The following MYOM2 variants were observed in gnomAD, a reference collection of about 807,000 sequenced individuals.
MYOM2 encodes the protein myomesin-2.
A neutral mutation model predicts 187.6 loss-of-function variants in MYOM2; 254 were observed. That is an observed-to-expected ratio of 1.35 (90% CI 1.22 to 1.50). The LOEUF (loss-of-function observed/expected upper bound fraction) is 1.50. Among genes scored for constraint, MYOM2 ranks in the 40% most tolerant of loss-of-function variants. The pLI, the probability that MYOM2 is intolerant of heterozygous loss-of-function variation, is 0.00. For synonymous variants in MYOM2, 981 were observed against 753.8 expected, an observed-to-expected ratio of 1.30 and a Z score of -4.94; for missense variants, 2,796 against 1,924.0, an observed-to-expected ratio of 1.45 and a Z score of -8.48.
chr8:2,072,866 C>T (rs906705374), intron 9 of MYOM2, among the ~76,000 whole-genome samples: 2 of 152,170 alleles, frequency 1.3e-5, no homozygotes, highest in East Asian at 1.9e-4. Context: ...CTACCTTAGT[C>T]GTATTGAGAT....
At chr8:2,143,276 T>G in intron 35 of MYOM2, 125 bp from the exon 36 acceptor site, 2 of 1,083,074 alleles carry the variant, frequency 1.8e-6, no homozygotes, top group Non-Finnish European at 2.8e-6. Flanking sequence ...TCTTTGATGC[T>G]CGCTCTCTCC....
chr8:2,055,484 C>T (rs909088425), intron 3 of MYOM2, among the ~76,000 whole-genome samples: 1 of 152,138 alleles, frequency 6.6e-6, no homozygotes, highest in African/African-American at 2.4e-5. Context: ...GTTCCCTAAA[C>T]ATTGTAGGGA....
At chr8:2,144,593 A>C (rs1431097669) in intron 36 of MYOM2, 71 bp from the exon 37 acceptor site, 2 of 1,483,720 alleles carry the variant, frequency 1.3e-6, no homozygotes, top group African/African-American at 2.8e-5. Context: ...CCTGGAGCCC[A>C]CCGTCCGAGG....
intron 32 of MYOM2, among the ~76,000 whole-genome samples, chr8:2,134,323 G>A (rs560669290): frequency 6.6e-6 from 1 of 152,026 alleles, no homozygotes; most frequent in Non-Finnish European, 1.5e-5. Flanking sequence ...CCTCTGTCTG[G>A]GTTTATCTGG....
At chr8:2,077,440 G>A (rs1178668920) in intron 11 of MYOM2, among the ~76,000 whole-genome samples, 1 of 152,282 alleles carries the variant, frequency 6.6e-6, no homozygotes, top group East Asian at 1.9e-4. Context: ...AGGAAAAAAT[G>A]AGGGAATTGG....
chr8:2,083,435 T>C (rs80127129), intron 13 of MYOM2, among the ~76,000 whole-genome samples: 14 of 81,870 alleles, frequency 1.7e-4, no homozygotes, highest in Non-Finnish European at 2.8e-4. Flanking sequence ...CAGTATCTCA[T>C]GTGTGCTTAG....
chr8:2,097,276 T>C (rs1796527329), intron 18 of MYOM2: 1 of 202,868 alleles, frequency 4.9e-6, no homozygotes, highest in African/African-American at 2.4e-5. Context: ...TGCTGTGACA[T>C]TATTGATATT....
rs77314471 is a variant in MYOM2 at position 2,089,922 on chromosome 8, G to A, written c.1645-86G>A. On this transcript the variant is annotated intron_variant, in intron 14 of 36. Transcript: ENST00000262113. ...GCGCGCCTGGTGGTCCTGGGATAGC[G>A]AGAACAGAGCATTTCTTCCTCCTCC... 5,780 of 1,340,546 alleles carry A rather than the reference G, an allele frequency of 4.3e-3. 216 individuals are homozygous for A. In the African/African-American group the frequency reaches 0.078, roughly 18 times the overall value. 83.0% of individuals were successfully genotyped at this position (1,340,546 alleles called of 1,614,324 possible). A position where few individuals can be genotyped will look rare whatever the true frequency, so the allele number is the denominator to read the frequency against.
chr8:2,048,432 G>C (rs933695968), intron 1 of MYOM2, among the ~76,000 whole-genome samples: 1 of 152,266 alleles, frequency 6.6e-6, no homozygotes, highest in African/African-American at 2.4e-5. Flanking sequence ...ATCCCAGTGA[G>C]CTGCATCTGG....
At chr8:2,065,931 G>A (rs560265040) in intron 6 of MYOM2, among the ~76,000 whole-genome samples, 1 of 152,320 alleles carries the variant, frequency 6.6e-6, no homozygotes, top group African/African-American at 2.4e-5. Flanking sequence ...GCACACGGGG[G>A]AGATTCCAGT....
chr8:2,101,319 C>T (rs1329276399), intron 20 of MYOM2, among the ~76,000 whole-genome samples: 6 of 152,242 alleles, frequency 3.9e-5, no homozygotes, highest in African/African-American at 1.4e-4. Flanking sequence ...AGTCACCGCA[C>T]TCCAGCCTGG....
At chr8:2,142,625 C>G (rs1269892613) in intron 35 of MYOM2, among the ~76,000 whole-genome samples, 1 of 151,946 alleles carries the variant, frequency 6.6e-6, no homozygotes, top group Non-Finnish European at 1.5e-5. Context: ...CACCCTCCCT[C>G]CCTCCTCCCT....
At chr8:2,132,468 C>G (rs1489714357) in intron 32 of MYOM2, among the ~76,000 whole-genome samples, 3 of 152,160 alleles carry the variant, frequency 2.0e-5, no homozygotes, top group Admixed American at 6.5e-5. Flanking sequence ...TGTTCTCTTA[C>G]TGAAAGGTGA....
At chr8:2,125,211 C>T (rs894277378) in intron 31 of MYOM2, among the ~76,000 whole-genome samples, 3 of 152,320 alleles carry the variant, frequency 2.0e-5, no homozygotes, top group East Asian at 3.9e-4. Context: ...CCAGCGGCTT[C>T]GCAGTTTCAG....
intron 28 of MYOM2, 68 bp downstream of exon 28, chr8:2,118,020 G>A (rs1797306184): frequency 7.2e-7 from 1 of 1,394,080 alleles, no homozygotes. Context: ...AGGCCTTTCA[G>A]GGAGTAGCTG....
chr8:2,103,089 A>G (rs1796766860), intron 21 of MYOM2, among the ~76,000 whole-genome samples: 2 of 145,864 alleles, frequency 1.4e-5, no homozygotes, highest in East Asian at 2.1e-4. Flanking sequence ...GGATGGGTGT[A>G]TGGATAAATG....
In MYOM2 at chr8:2,096,248, C is replaced by A; in HGVS notation, c.2127C>A (p.Thr709=). Residue 709 remains threonine (T), a splice_region_variant and synonymous_variant, in exon 18 of 37, where the codon ACC becomes ACA. Coordinates refer to ENST00000262113, the MANE Select transcript of MYOM2 (RefSeq NM_003970.4). ...SDVIKVQAAL[T]VPSHPYGITL... ...CTCCCTGGTTGTGCTTCCTTGCAGC[C>A]GTCCCGTCCCATCCTTATGGGATTA... 6.2e-7 allele frequency: 1 copy of A among 1,610,752 alleles called. No individual in the cohort carries two copies. Among genetic ancestry groups the A allele is most frequent in the Non-Finnish European group, 8.5e-7 (1 of 1,178,118 alleles).
Position 2,117,919 on chromosome 8 carries a change from C to A in MYOM2, c.3420C>A (p.Val1140=), listed in dbSNP as rs1563067482. The A allele has an allele frequency of 6.8e-6, 11 of 1,613,230 alleles. No homozygotes were observed. Among genetic ancestry groups the A allele is most frequent in the Non-Finnish European group, 8.5e-6 (10 of 1,179,624 alleles). Residue 1140 remains valine (V), a synonymous_variant, in exon 28 of 37, where the codon GTC becomes GTA. Transcript: ENST00000262113. ...TTGCTGAGTACTTGCACTGGGATGT[C>A]ACGGAAGAATGTGAAGTTCGACTTG... is the stretch of plus-strand genomic sequence containing the variant. ...PHFAEYLHWD[V]TEECEVRLVC... is the part of the protein sequence containing the mutation.
chr8:2,120,689 A>ATATTATATATATATAATATATATATATAT, intron 28 of MYOM2, among the ~76,000 whole-genome samples: 1 of 42,416 alleles, frequency 2.4e-5, no homozygotes, highest in Non-Finnish European at 4.7e-5. Flanking sequence ...ATTATATATA[A>ATATTATATATATATAATATATATATATAT]ATATATAATA....
Sources: gnomAD v4.1 joint callset for allele counts (sites outside exome capture counted in the v4.1 genomes callset) on GRCh38, gnomAD v4.1.1 for gene constraint, MANE v1.5 for transcripts, NCBI Gene and HGNC (gene_info 2026-07-23, HGNC 2026-07-21) for gene names.